FOXN3: variants seen among roughly 807,000 people sequenced by gnomAD.
FOXN3 encodes forkhead box protein N3.
Under a neutral mutation model 38.4 loss-of-function variants are expected in FOXN3, and 7 were observed. The ratio of observed to expected loss-of-function variants is 0.18; its 90% CI spans 0.10 to 0.34. FOXN3 has a LOEUF of 0.34. FOXN3 is among the 10% of genes least tolerant of loss of function. The pLI, the probability that FOXN3 is intolerant of heterozygous loss-of-function variation, is 1.00. For synonymous variants in FOXN3, 230 were observed against 242.2 expected (o/e 0.95, Z 0.47); for missense variants, 456 against 613.4 (o/e 0.74, Z 2.71).
At chr14:89,360,000 C>T (rs1255958108) in intron 2 of FOXN3, among the ~76,000 whole-genome samples, 1 of 152,192 alleles carries the variant, frequency 6.6e-6, no homozygotes, top group East Asian at 1.9e-4. Context: ...AGAGTTGGTA[C>T]TCCTCATCAA....
At chr14:89,242,637 T>C (rs572762767) in intron 4 of FOXN3, among the ~76,000 whole-genome samples, 2 of 152,250 alleles carry the variant, frequency 1.3e-5, no homozygotes, top group African/African-American at 4.8e-5. Flanking sequence ...CATCACGGGA[T>C]ATGCAGCACT....
At chr14:89,227,970 C>T (rs1884694956) in intron 4 of FOXN3, among the ~76,000 whole-genome samples, 1 of 152,146 alleles carries the variant, frequency 6.6e-6, no homozygotes, top group African/African-American at 2.4e-5. Context: ...GAACTCCGGG[C>T]CTCAAGCAAT....
intron 4 of FOXN3, among the ~76,000 whole-genome samples, chr14:89,198,280 C>A (rs1366192810): frequency 2.0e-5 from 3 of 152,106 alleles, no homozygotes; most frequent in Non-Finnish European, 4.4e-5. Flanking sequence ...TATAAGTAAC[C>A]TAGAGATAAT....
At chr14:89,603,515 T>C (rs939638689) in intron 1 of FOXN3, among the ~76,000 whole-genome samples, 7 of 152,180 alleles carry the variant, frequency 4.6e-5, no homozygotes, top group African/African-American at 1.7e-4. Flanking sequence ...GCACATATGA[T>C]CTGTACCGTA....
At chr14:89,329,377 G>T (rs1298469771) in intron 3 of FOXN3, among the ~76,000 whole-genome samples, 2 of 152,196 alleles carry the variant, frequency 1.3e-5, no homozygotes, top group African/African-American at 2.4e-5. Context: ...GAAGGGATTT[G>T]GGGTGTGCCA....
intron 1 of FOXN3, among the ~76,000 whole-genome samples, chr14:89,612,039 T>C (rs1320404454): frequency 6.6e-6 from 1 of 151,764 alleles, no homozygotes; most frequent in Non-Finnish European, 1.5e-5. Flanking sequence ...AGAGGAGCAG[T>C]TGTGAGGTGG....
At chr14:89,272,409 TA>T (rs200266089) in intron 4 of FOXN3, among the ~76,000 whole-genome samples, 34 of 151,006 alleles carry the variant, frequency 2.3e-4, no homozygotes, top group Admixed American at 1.3e-3. Flanking sequence ...TCACTTCAAT[TA>T]AAAAAAAAGG....
chr14:89,412,599 T>A lies in FOXN3; in HGVS notation c.-14-109A>T. ...CCCTCTGCCGCCTCTATGGAACCCC[T>A]GCTACACAGGAACACCACCTTGTGA... On this transcript the variant is annotated intron_variant, in intron 1 of 5. Coordinates refer to ENST00000557258, the MANE Select transcript of FOXN3 (RefSeq NM_005197.4). The surrounding 1 kb of genome is among the most constrained non-coding windows in gnomAD (Gnocchi z 4.7). 1.2e-6 allele frequency: 1 copy of A among 814,440 alleles called. No homozygotes were observed. The highest frequency in any genetic ancestry group is 1.9e-6 in the Non-Finnish European group (1 of 531,034). The allele number at this position is 814,440 out of a possible 1,614,324, so 50.5% of individuals were successfully genotyped here.
chr14:89,193,760 AT>A (rs1293689358), intron 4 of FOXN3, among the ~76,000 whole-genome samples: 9 of 152,200 alleles, frequency 5.9e-5, no homozygotes, highest in African/African-American at 1.9e-4. Flanking sequence ...GTAAATGTAT[AT>A]TTAGCTTTAT....
chr14:89,227,628 T>G (rs1021497050), intron 4 of FOXN3, among the ~76,000 whole-genome samples: 1 of 152,116 alleles, frequency 6.6e-6, no homozygotes, highest in Non-Finnish European at 1.5e-5. Flanking sequence ...CAGTGAGTCA[T>G]CTCTCTCCCC....
chr14:89,439,970 TA>T (rs1323789245), intron 1 of FOXN3, among the ~76,000 whole-genome samples: 1 of 152,156 alleles, frequency 6.6e-6, no homozygotes, highest in Non-Finnish European at 1.5e-5. Flanking sequence ...ACTTTCTTAA[TA>T]AACTTGCTTT....
intron 1 of FOXN3, among the ~76,000 whole-genome samples, chr14:89,568,118 C>T (rs571602562): frequency 6.6e-6 from 1 of 152,068 alleles, no homozygotes. Context: ...TTTCTCCCAT[C>T]TTAGTAATTG....
At chr14:89,414,734 A>G (rs1405253218) in intron 1 of FOXN3, among the ~76,000 whole-genome samples, 1 of 151,894 alleles carries the variant, frequency 6.6e-6, no homozygotes, top group Non-Finnish European at 1.5e-5. Context: ...TTGTATTTTT[A>G]GTAAGACGGG....
chr14:89,198,549 C>T (rs1012003433), intron 4 of FOXN3, among the ~76,000 whole-genome samples: 1 of 152,214 alleles, frequency 6.6e-6, no homozygotes, highest in Non-Finnish European at 1.5e-5. Flanking sequence ...TCTGCATTAA[C>T]GCACACCTTG....
intron 2 of FOXN3, among the ~76,000 whole-genome samples, chr14:89,369,803 G>A (rs749646958): frequency 9.2e-5 from 14 of 152,142 alleles, no homozygotes; most frequent in South Asian, 2.1e-4. Context: ...CCCACAACAC[G>A]TGGGAATTAT....
At chr14:89,324,555 C>T (rs1347817014) in intron 3 of FOXN3, among the ~76,000 whole-genome samples, 2 of 151,568 alleles carry the variant, frequency 1.3e-5, no homozygotes, top group African/African-American at 4.9e-5. Flanking sequence ...AACAGCAGAG[C>T]TACCCTTTGG....
At position 89,161,488 on chromosome 14, in the gene FOXN3, T is replaced by C. The variant is rs1430314866; in HGVS notation, c.*926A>G. The C allele has an allele frequency of 1.3e-5, 2 of 151,734 alleles. No homozygotes were observed. The highest frequency in any genetic ancestry group is 2.9e-5 in the Non-Finnish European group (2 of 67,978). The allele number at this position is 151,734 out of a possible 1,614,324, so 9.4% of individuals were successfully genotyped here. The stretch of plus-strand genomic sequence containing the variant: ...AGCTATTGTAATTTCCTGGACTTGG[T>C]TGCTTTTCACTTGGGCAGTTAAGAA... On this transcript the variant is annotated 3_prime_UTR_variant, in exon 6 of 6. Coordinates refer to ENST00000557258, the MANE Select transcript of FOXN3 (RefSeq NM_005197.4).
chr14:89,243,959 A>G (rs1439407542), intron 4 of FOXN3, among the ~76,000 whole-genome samples: 2 of 152,222 alleles, frequency 1.3e-5, no homozygotes, highest in African/African-American at 2.4e-5. Flanking sequence ...GAATGAAAAC[A>G]ATAGAAAGCT....
At chr14:89,544,202 C>A (rs1894842653) in intron 1 of FOXN3, among the ~76,000 whole-genome samples, 1 of 151,932 alleles carries the variant, frequency 6.6e-6, no homozygotes, top group Non-Finnish European at 1.5e-5. Flanking sequence ...CTACCACGCC[C>A]AGCTAATTTT....
Sources: allele counts gnomAD v4.1 joint callset (sites outside exome capture counted in the v4.1 genomes callset), GRCh38; gene constraint gnomAD v4.1.1; non-coding constraint Gnocchi (gnomAD v3.1); transcripts MANE v1.5; gene names NCBI Gene and HGNC (gene_info 2026-07-23, HGNC 2026-07-21).